The following TBC1D4 variants were observed in gnomAD, a reference collection of about 807,000 sequenced individuals.
TBC1D4 encodes the protein TBC (Tre-2, BUB2, CDC16) domain-containing protein.
TBC1D4 carries 121 observed loss-of-function variants against 142.5 expected under a neutral mutation model. The observed-to-expected ratio is 0.85, with a 90% CI of 0.73 to 0.99. TBC1D4 has a LOEUF of 0.99. Among genes scored for constraint, TBC1D4 ranks in the 50% least tolerant of loss-of-function variants. TBC1D4 has a pLI of 0.00. For synonymous variants in TBC1D4, 630 were observed against 628.2 expected, an observed-to-expected ratio of 1.00 and a Z score of -0.04; for missense variants, 1,475 against 1,606.6, an observed-to-expected ratio of 0.92 and a Z score of 1.40.
intron 15 of TBC1D4, among the ~76,000 whole-genome samples, chr13:75,304,637 GGGATAATAGGAT>G (rs1876967055): frequency 6.6e-6 from 1 of 152,156 alleles, no homozygotes; most frequent in Non-Finnish European, 1.5e-5. Context: ...AGGGACCTGA[GGGATAATAGGAT>G]GCTCTGGGCT....
chr13:75,383,211 T>C (rs1167553026), intron 1 of TBC1D4, among the ~76,000 whole-genome samples: 4 of 152,118 alleles, frequency 2.6e-5, no homozygotes, highest in South Asian at 4.1e-4. Flanking sequence ...TAGTCCCAGC[T>C]ACTCGGGAGG....
intron 15 of TBC1D4, chr13:75,302,686 C>T (rs1365484702): frequency 4.3e-6 from 2 of 469,016 alleles, no homozygotes; most frequent in East Asian, 8.4e-5. Context: ...ATTGAGGGTG[C>T]CTAGCTACTA....
rs185811577 is a variant in TBC1D4 at position 75,310,135 on chromosome 13, G to T, written c.2400C>A (p.Asn800Lys). 21 of 1,613,644 alleles carry T rather than the reference G, an allele frequency of 1.3e-5. No individual in the cohort carries two copies. The highest frequency in any genetic ancestry group is 1.8e-5 in the Non-Finnish European group (21 of 1,179,864). Residue 800 changes from asparagine to lysine, a missense_variant, in exon 14 of 21, where the codon AAC (asparagine) becomes AAA (lysine). Physicochemically the swap from Asn to Lys is moderately conservative, Grantham distance 94. This residue lies in a region of TBC1D4 where 1,227 missense variants were observed against 1,267.7 expected (regional missense o/e 0.97). Coordinates refer to ENST00000377636, the MANE Select transcript of TBC1D4 (RefSeq NM_014832.5). The part of the protein sequence containing the change: ...AMQQQDGLDR[N>K]ELLPLSPLSP... ...AGAGGGGGGACAGTGGCAGCAGCTC[G>T]TTCCTGTCCAATCCATCTGCAGAGA...
intron 1 of TBC1D4, among the ~76,000 whole-genome samples, chr13:75,400,473 T>C (rs1316988825): frequency 6.6e-6 from 1 of 151,744 alleles, no homozygotes; most frequent in Non-Finnish European, 1.5e-5. Context: ...TTTTTTTTTT[T>C]TTGAGACAGA....
rs1253111851 is a variant in TBC1D4, at chr13:75,294,909, C to G, written c.3261G>C (p.Trp1087Cys). 1 of 1,613,888 alleles carries G rather than the reference C, an allele frequency of 6.2e-7. No homozygotes were observed. Residue 1087 changes from tryptophan (W) to cysteine (C), a missense_variant, in exon 18 of 21, where the codon TGG becomes TGC. Physicochemically the swap from Trp to Cys is radical, Grantham distance 215. Coordinates refer to ENST00000377636, the MANE Select transcript of TBC1D4 (RefSeq NM_014832.5). The stretch of plus-strand genomic sequence containing the variant: ...ACTGAGAGGCAAACAATGTGAGGAA[C>G]CAGGGGGCAGCATAAAGACTGGGGC... ...EISPSLYAAPWFLTLFASQFS... is the reference protein window; with the variant it reads ...EISPSLYAAPCFLTLFASQFS...
chr13:75,386,664 G>T (rs973561786), intron 1 of TBC1D4, among the ~76,000 whole-genome samples: 6 of 151,916 alleles, frequency 3.9e-5, no homozygotes, highest in Non-Finnish European at 7.4e-5. Context: ...CTGGGATTCA[G>T]ATTTGCTATT....
intron 13 of TBC1D4, among the ~76,000 whole-genome samples, chr13:75,312,358 G>C (rs1877836370): frequency 6.6e-6 from 1 of 150,756 alleles, no homozygotes; most frequent in Non-Finnish European, 1.5e-5. Flanking sequence ...GCTACAGTGA[G>C]CTATGATTAC....
At chr13:75,368,670 A>T (rs1382156680) in intron 1 of TBC1D4, among the ~76,000 whole-genome samples, 1 of 152,160 alleles carries the variant, frequency 6.6e-6, no homozygotes, top group Non-Finnish European at 1.5e-5. Context: ...TGACTGTTAC[A>T]AATGTGTAAA....
rs186035112 is a variant in TBC1D4 at position 75,361,029 on chromosome 13, G to A, written c.1080+997C>T. 4.6e-3 allele frequency among the ~76,000 whole-genome samples: 698 copies of A among 152,246 alleles called. 4 individuals are homozygous for A. The highest frequency in any genetic ancestry group is 0.015 in the African/African-American group (618 of 41,538). On this transcript the variant is annotated intron_variant, in intron 2 of 20. Transcript: ENST00000377636. ...CCCCAAGGAAACTCAAATCTCACAAGCTGAGAATTAAAGACTCTCTACAGA... is the reference window on the plus strand; with the variant it reads ...CCCCAAGGAAACTCAAATCTCACAAACTGAGAATTAAAGACTCTCTACAGA...
chr13:75,347,833 T>A (rs1287753978), intron 5 of TBC1D4, among the ~76,000 whole-genome samples: 1 of 152,230 alleles, frequency 6.6e-6, no homozygotes, highest in African/African-American at 2.4e-5. Context: ...TGTTTAAGCC[T>A]ATTACATTGA....
At chr13:75,334,524 A>G (rs1465841424) in intron 8 of TBC1D4, among the ~76,000 whole-genome samples, 2 of 151,846 alleles carry the variant, frequency 1.3e-5, no homozygotes, top group African/African-American at 2.4e-5. Context: ...TGATACCTCC[A>G]AGTTTTATTT....
intron 1 of TBC1D4, among the ~76,000 whole-genome samples, chr13:75,428,376 A>G (rs556488068): frequency 1.6e-4 from 24 of 152,214 alleles, no homozygotes; most frequent in Non-Finnish European, 3.1e-4. Flanking sequence ...TGTTTTTTAC[A>G]TATCCTTCCA....
chr13:75,357,945 C>A (rs1236802410), intron 3 of TBC1D4, among the ~76,000 whole-genome samples: 1 of 152,080 alleles, frequency 6.6e-6, no homozygotes, highest in Non-Finnish European at 1.5e-5. Flanking sequence ...AAAGGAGAAA[C>A]AAGAAATTGT....
At chr13:75,370,747 T>C (rs1883179830) in intron 1 of TBC1D4, among the ~76,000 whole-genome samples, 1 of 152,142 alleles carries the variant, frequency 6.6e-6, no homozygotes, top group South Asian at 2.1e-4. Flanking sequence ...GAGATGTCAG[T>C]AGGCAGTTGA....
chr13:75,449,790 G>A (rs1887456894), intron 1 of TBC1D4, among the ~76,000 whole-genome samples: 2 of 152,010 alleles, frequency 1.3e-5, no homozygotes, highest in South Asian at 4.1e-4. Context: ...TCACCATGTT[G>A]GCGAGGCTGG....
At position 75,349,221 on chromosome 13, in the gene TBC1D4, A is replaced by G. The variant is rs1881404482; in HGVS notation, c.1357T>C (p.Cys453Arg). ...AAAGAGTGCATCGGGCAGGCCTCAC[A>G]CAGTTTAATCTGCGTCTTGGCACTC... is the stretch of plus-strand genomic sequence containing the variant. Reference protein sequence around the residue: ...LQSAKTQIKLCEACPMHSLHK... With the variant: ...LQSAKTQIKLREACPMHSLHK... Residue 453 changes from cysteine to arginine, a missense_variant, in exon 5 of 21, where the codon TGT becomes CGT. Physicochemically the swap from Cys to Arg is radical, Grantham distance 180. This residue lies in a region of TBC1D4 where 1,227 missense variants were observed against 1,267.7 expected (regional missense o/e 0.97). Coordinates refer to ENST00000377636, the MANE Select transcript of TBC1D4 (RefSeq NM_014832.5). The G allele has an allele frequency of 6.2e-7, 1 of 1,613,862 alleles. No individual in the cohort carries two copies.
At chr13:75,335,178 C>A (rs1880092352) in intron 8 of TBC1D4, among the ~76,000 whole-genome samples, 1 of 152,112 alleles carries the variant, frequency 6.6e-6, no homozygotes, top group South Asian at 2.1e-4. Context: ...TACAACCTCC[C>A]AAACCAGGTT....
At chr13:75,370,950 G>T (rs1245451587) in intron 1 of TBC1D4, among the ~76,000 whole-genome samples, 1 of 152,158 alleles carries the variant, frequency 6.6e-6, no homozygotes, top group Admixed American at 6.5e-5. Flanking sequence ...CCAGGATCTA[G>T]CCCTGAAGCC....
At chr13:75,337,139 A>G (rs1880295585) in intron 7 of TBC1D4, 99 bp from the exon 8 acceptor site, 4 of 1,091,398 alleles carry the variant, frequency 3.7e-6, no homozygotes, top group Non-Finnish European at 5.5e-6. Context: ...AAAACACAAG[A>G]ATTCTTCAGT....
Sources: gnomAD v4.1 joint callset for allele counts (sites outside exome capture counted in the v4.1 genomes callset) on GRCh38, gnomAD v4.1.1 for gene constraint, gnomAD v4.1.1 regional missense constraint, MANE v1.5 for transcripts, NCBI Gene and HGNC (gene_info 2026-07-23, HGNC 2026-07-21) for gene names.